TFAP2B: variants seen among roughly 807,000 people sequenced by gnomAD.
TFAP2B encodes transcription factor AP-2-beta.
In TFAP2B, 9 loss-of-function variants were observed where a neutral mutation model predicts 44.3. The observed-to-expected ratio is 0.20, with a 90% CI of 0.12 to 0.35. The LOEUF (loss-of-function observed/expected upper bound fraction) is 0.35, where lower values mean the gene tolerates loss of function less well. TFAP2B is among the 10% of genes least tolerant of loss of function. TFAP2B has a pLI of 1.00. For synonymous variants in TFAP2B, 270 were observed against 263.8 expected, an observed-to-expected ratio of 1.02 and a Z score of -0.23; for missense variants, 509 against 600.0, an observed-to-expected ratio of 0.85 and a Z score of 1.59.
upstream of TFAP2B, chr6:50,818,575 G>C (rs941119405): frequency 1.4e-5 from 4 of 290,504 alleles, no homozygotes; most frequent in African/African-American, 8.5e-5. Context: ...ACAACTCTTT[G>C]TTAAATGCAC....
chr6:50,840,548 G>A (rs899402839), intron 6 of TFAP2B, among the ~76,000 whole-genome samples: 3 of 152,214 alleles, frequency 2.0e-5, no homozygotes, highest in African/African-American at 7.2e-5. Context: ...CTCTGGGGAT[G>A]TCAGGCAGAT....
intron 3 of TFAP2B, 129 bp downstream of exon 3, chr6:50,828,808 T>G: frequency 9.1e-7 from 1 of 1,104,122 alleles, no homozygotes. Flanking sequence ...TATAGGACAA[T>G]GGCTGTCAGA....
chr6:50,830,673 A>T lies in TFAP2B; in HGVS notation c.601+1994A>T, dbSNP rs1770647945. 2.0e-5 allele frequency among the ~76,000 whole-genome samples: 3 copies of T among 152,334 alleles called. No individual in the cohort carries two copies. The South Asian group carries it at 6.2e-4, about 32-fold the overall frequency. Reference sequence around the variant, plus strand: ...ATTTGCTTTATTACATGAAGAAAAGATCCTATGTCTTTTTTCTTTAGAGAG... The same window carrying T: ...ATTTGCTTTATTACATGAAGAAAAGTTCCTATGTCTTTTTTCTTTAGAGAG... On this transcript the variant is annotated intron_variant, in intron 3 of 6. Transcript: ENST00000393655.
intron 3 of TFAP2B, among the ~76,000 whole-genome samples, chr6:50,832,106 G>A (rs910989566): frequency 5.3e-5 from 8 of 152,206 alleles, no homozygotes; most frequent in Non-Finnish European, 1.2e-4. Context: ...GAGTCTGTCA[G>A]AGTCTCTGAA....
Position 50,847,029 on chromosome 6 carries a change from C to G in TFAP2B, c.*3637C>G, listed in dbSNP as rs927943532. ...ACTGTTCCTCTGCTACAATGCTTTC[C>G]TAGTTAAGAGTGTTTATAGAGAATT... On this transcript the variant is annotated 3_prime_UTR_variant, in exon 7 of 7. Coordinates refer to ENST00000393655, the MANE Select transcript of TFAP2B (RefSeq NM_003221.4). The G allele has an allele frequency of 2.6e-5, 4 of 152,572 alleles. No homozygotes were observed. The highest frequency in any genetic ancestry group is 5.9e-5 in the Non-Finnish European group (4 of 68,022). The allele number at this position is 152,572 out of a possible 1,614,324, so 9.5% of individuals were successfully genotyped here.
At position 50,828,651 on chromosome 6, in the gene TFAP2B, T is replaced by A; in HGVS notation, c.573T>A (p.Asn191Lys). 6.2e-7 allele frequency: 1 copy of A among 1,614,118 alleles called. No individual in the cohort carries two copies. The highest frequency in any genetic ancestry group is 8.5e-7 in the Non-Finnish European group (1 of 1,179,980). Residue 191 changes from asparagine (N) to lysine (K), a missense_variant, in exon 3 of 7, where the codon AAT becomes AAA. Asn to Lys is a moderately conservative substitution (Grantham distance 94). Around this residue, in one of 3 missense-constraint regions of TFAP2B, gnomAD observed 296 missense variants for 308.2 expected, o/e 0.96. Coordinates refer to ENST00000393655, the MANE Select transcript of TFAP2B (RefSeq NM_003221.4). The part of the protein sequence containing the change: ...SVEDANNSGM[N>K]LLDQSVIKKV... ...AAGATGCCAATAACAGCGGCATGAATCTATTGGACCAGTCTGTCATTAAAA... is the reference window on the plus strand; with the variant it reads ...AAGATGCCAATAACAGCGGCATGAAACTATTGGACCAGTCTGTCATTAAAA...
intron 3 of TFAP2B, among the ~76,000 whole-genome samples, chr6:50,835,591 A>T (rs974908045): frequency 6.6e-6 from 1 of 152,166 alleles, no homozygotes; most frequent in Non-Finnish European, 1.5e-5. Flanking sequence ...TTTCCATTGG[A>T]ATTACCATTT....
chr6:50,823,947 C>A, intron 2 of TFAP2B, 82 bp downstream of exon 2: 3 of 1,414,286 alleles, frequency 2.1e-6, no homozygotes, highest in East Asian at 2.5e-5. Flanking sequence ...CAGGAGAGGG[C>A]AGCTCTGTCT....
intron 3 of TFAP2B, among the ~76,000 whole-genome samples, chr6:50,834,927 A>T (rs749810608): frequency 6.6e-6 from 1 of 152,196 alleles, no homozygotes; most frequent in Non-Finnish European, 1.5e-5. Context: ...AGGGGCCTGT[A>T]AAACCTACAT....
intron 1 of TFAP2B, among the ~76,000 whole-genome samples, chr6:50,823,163 C>T (rs1770402182): frequency 6.6e-6 from 1 of 152,106 alleles, no homozygotes; most frequent in Non-Finnish European, 1.5e-5. Flanking sequence ...ATTCCTTTCC[C>T]ATTTTCTCCC....
In TFAP2B at chr6:50,819,564, A is replaced by T. The variant is rs141860852; in HGVS notation, c.81+592A>T. 3.2e-3 allele frequency among the ~76,000 whole-genome samples: 480 copies of T among 152,302 alleles called. 3 individuals carry two copies. The highest frequency in any genetic ancestry group is 8.2e-3 in the African/African-American group (341 of 41,574). ...TGTTTTCTTGTGTTTTGCTTCCTTG[A>T]GGGTCACTGCGTCCGAACAGAAATC... On this transcript the variant is annotated intron_variant, in intron 1 of 6. Coordinates refer to ENST00000393655, the MANE Select transcript of TFAP2B (RefSeq NM_003221.4).
intron 2 of TFAP2B, among the ~76,000 whole-genome samples, chr6:50,826,750 C>A (rs1393777635): frequency 1.3e-5 from 2 of 152,112 alleles, no homozygotes; most frequent in African/African-American, 4.8e-5. Flanking sequence ...TCTTACCTCC[C>A]ATCACCTCTA....
upstream of TFAP2B, among the ~76,000 whole-genome samples, chr6:50,818,435 A>G (rs1293373529): frequency 6.6e-6 from 1 of 152,240 alleles, no homozygotes; most frequent in Middle Eastern, 3.2e-3. Context: ...TAAAATCTAC[A>G]TAGAAAATAG....
At chr6:50,820,053 C>T (rs1770294162) in intron 1 of TFAP2B, among the ~76,000 whole-genome samples, 1 of 151,832 alleles carries the variant, frequency 6.6e-6, no homozygotes, top group South Asian at 2.1e-4. Flanking sequence ...TTCGGAAAGG[C>T]GAAGCGGATT....
At chr6:50,833,563 G>A (rs1371081791) in intron 3 of TFAP2B, among the ~76,000 whole-genome samples, 1 of 150,834 alleles carries the variant, frequency 6.6e-6, no homozygotes, top group Non-Finnish European at 1.5e-5. Flanking sequence ...CCTTCCCAGA[G>A]AGGGCAGTGT....
In TFAP2B at chr6:50,847,445, G is replaced by A. The variant is rs1762872738; in HGVS notation, c.*4053G>A. The stretch of plus-strand genomic sequence containing the variant: ...AAGTAGTTTGGGATTATTTATCTGT[G>A]AATCTATACCTCTGTGAATGGGTGG... On this transcript the variant is annotated 3_prime_UTR_variant, in exon 7 of 7. Transcript: ENST00000393655. 1 of 152,570 alleles carries A rather than the reference G, an allele frequency of 6.6e-6. No individual in the cohort carries two copies. Among genetic ancestry groups the A allele is most frequent in the African/African-American group, 2.4e-5 (1 of 41,432 alleles). The allele number at this position is 152,570 out of a possible 1,614,324, so 9.5% of individuals were successfully genotyped here.
chr6:50,820,115 G>A (rs1364952075), intron 1 of TFAP2B, among the ~76,000 whole-genome samples: 1 of 152,172 alleles, frequency 6.6e-6, no homozygotes, highest in African/African-American at 2.4e-5. Context: ...AGATTGCTAA[G>A]AGGAAAAGTT....
rs62405438 is a variant in TFAP2B at position 50,847,601 on chromosome 6, T to A, written c.*4209T>A. ...ATCTGATTTACATAAATAAAAAGATTGTTGTGTTTTCATCTTCAGTTTCTT... is the reference window on the plus strand; with the variant it reads ...ATCTGATTTACATAAATAAAAAGATAGTTGTGTTTTCATCTTCAGTTTCTT... On this transcript the variant is annotated 3_prime_UTR_variant, in exon 7 of 7. Transcript: ENST00000393655. 26,401 of 152,304 alleles carry A rather than the reference T, an allele frequency of 0.17. 2,570 individuals are homozygous for A. Among genetic ancestry groups the A allele is most frequent in the Admixed American group, 0.28 (4,262 of 15,288 alleles). 9.4% of individuals were successfully genotyped at this position (152,304 alleles called of 1,614,324 possible).
At chr6:50,832,091 T>A (rs1395032511) in intron 3 of TFAP2B, among the ~76,000 whole-genome samples, 5 of 152,234 alleles carry the variant, frequency 3.3e-5, no homozygotes, top group African/African-American at 1.2e-4. Flanking sequence ...GGTAAAATGC[T>A]CTGAGAGTCT....
Sources: allele counts gnomAD v4.1 joint callset (sites outside exome capture counted in the v4.1 genomes callset), GRCh38; gene constraint gnomAD v4.1.1; regional missense constraint gnomAD v4.1.1; transcripts MANE v1.5; gene names NCBI Gene and HGNC (gene_info 2026-07-23, HGNC 2026-07-21).